Variants in TRIQK observed in about 807,000 individuals in gnomAD.
The protein encoded by TRIQK is triple QxxK/R motif-containing protein.
A neutral mutation model predicts 10.8 loss-of-function variants in TRIQK; 10 were observed. That is an observed-to-expected ratio of 0.92 (90% CI 0.57 to 1.57). The LOEUF is 1.57. TRIQK is among the 40% of genes most tolerant of loss of function. The pLI is 0.00. For missense variants in TRIQK, 107 were observed against 97.7 expected, an observed-to-expected ratio of 1.09 and a Z score of -0.40; for synonymous variants, 33 against 33.7, an observed-to-expected ratio of 0.98 and a Z score of 0.07.
Position 92,898,833 on chromosome 8 carries a change from GTATATATATATATA to G in TRIQK, c.62-6773_62-6760del, listed in dbSNP as rs67063066. Reference sequence around the variant, plus strand: ...GCAGGTACATAATAGGTGTGTGTGTGTATATATATATATATATATATATATATATATATATATAT... The same window carrying G: ...GCAGGTACATAATAGGTGTGTGTGTGTATATATATATATATATATATATAT... On this transcript the variant is annotated intron_variant, in intron 3 of 4. Coordinates refer to ENST00000521988, the MANE Select transcript of TRIQK (RefSeq NM_001171797.2). Among the ~76,000 whole-genome samples, 37 of 73,920 alleles carry G rather than the reference GTATATATATATATA, an allele frequency of 5.0e-4. 1 individual carries two copies. Among genetic ancestry groups the G allele is most frequent in the South Asian group, 2.3e-3 (4 of 1,758 alleles). 48.5% of individuals were successfully genotyped at this position (73,920 alleles called of 152,430 possible). A position where few individuals can be genotyped will look rare whatever the true frequency, so the allele number is the denominator to read the frequency against.
intron 2 of TRIQK, chr8:92,953,837 G>A (rs1487648544): frequency 6.6e-6 from 1 of 151,874 alleles, no homozygotes; most frequent in African/African-American, 2.4e-5. Context: ...TGAGGAGTGG[G>A]AAAGAACAGT....
At chr8:92,920,109 T>G (rs755375580) in intron 2 of TRIQK, among the ~76,000 whole-genome samples, 2 of 151,806 alleles carry the variant, frequency 1.3e-5, no homozygotes, top group Non-Finnish European at 3.0e-5. Context: ...TGTATTTTTT[T>G]GTCACAATTA....
intron 1 of TRIQK, among the ~76,000 whole-genome samples, chr8:92,994,387 T>TC (rs1171329773): frequency 1.4e-5 from 2 of 146,002 alleles, no homozygotes; most frequent in African/African-American, 5.4e-5. Context: ...CTCCTTTTTT[T>TC]CAACATTTTA....
At position 92,978,997 on chromosome 8, in the gene TRIQK, CA is replaced by C. The variant is rs1812959415; in HGVS notation, c.-180-24434del. On this transcript the variant is annotated intron_variant, in intron 1 of 4. Transcript: ENST00000520686. ...ACCATGAATCAGTGGTATAAAACAA[CA>C]ATGATTTTCTCATGTCAAAAATCTG... is the stretch of plus-strand genomic sequence containing the variant. Among the ~76,000 whole-genome samples the C allele has an allele frequency of 2.0e-5, 3 of 152,040 alleles. No homozygotes were observed. In the South Asian group the frequency reaches 6.2e-4, roughly 32 times the overall value.
chr8:93,014,156 A>C (rs1053982909), intron 1 of TRIQK, among the ~76,000 whole-genome samples: 1 of 152,166 alleles, frequency 6.6e-6, no homozygotes, highest in Admixed American at 6.5e-5. Context: ...TGTTGTGACA[A>C]ATAGGAAATA....
chr8:92,989,728 A>T, intron 1 of TRIQK, among the ~76,000 whole-genome samples: 1 of 152,186 alleles, frequency 6.6e-6, no homozygotes, highest in East Asian at 1.9e-4. Flanking sequence ...AATGCGTTTG[A>T]ATCATCCTGA....
intron 1 of TRIQK, among the ~76,000 whole-genome samples, chr8:92,991,079 A>G (rs932752412): frequency 3.9e-5 from 6 of 152,122 alleles, no homozygotes; most frequent in Non-Finnish European, 1.5e-5. Flanking sequence ...AGGGAGGTCC[A>G]CTATTACTAA....
chr8:92,886,750 A>G lies in TRIQK; in HGVS notation c.148-15T>C, dbSNP rs757380711. 7.9e-6 allele frequency: 11 copies of G among 1,400,398 alleles called. No individual in the cohort carries two copies. The South Asian group carries it at 1.4e-4, about 18-fold the overall frequency. 86.7% of individuals were successfully genotyped at this position (1,400,398 alleles called of 1,614,324 possible). A position where few individuals can be genotyped will look rare whatever the true frequency, so the allele number is the denominator to read the frequency against. ...AGGCCAACTTCCTGGGAAGAAAAAA[A>G]AAGTAGACTTGAAATTGATGAAAAA... On this transcript the variant is annotated splice_polypyrimidine_tract_variant and intron_variant, in intron 4 of 4. Coordinates refer to ENST00000521988, the MANE Select transcript of TRIQK (RefSeq NM_001171797.2).
chr8:92,922,450 C>T (rs1414223789), intron 2 of TRIQK: 1 of 151,654 alleles, frequency 6.6e-6, no homozygotes, highest in African/African-American at 2.4e-5. Flanking sequence ...TTTGCCTTTA[C>T]AGACTATGCT....
intron 2 of TRIQK, among the ~76,000 whole-genome samples, chr8:92,925,298 A>G (rs1215368266): frequency 1.3e-5 from 2 of 152,260 alleles, no homozygotes; most frequent in East Asian, 3.9e-4. Context: ...CAACAAAGTT[A>G]CTAGGGAAAA....
intron 2 of TRIQK, among the ~76,000 whole-genome samples, chr8:92,918,270 C>T (rs1422054556): frequency 6.6e-6 from 1 of 151,858 alleles, no homozygotes. Context: ...TATGGTAGTT[C>T]TATTTTTAGT....
chr8:92,947,591 A>G, intron 2 of TRIQK, among the ~76,000 whole-genome samples: 1 of 149,680 alleles, frequency 6.7e-6, no homozygotes, highest in Non-Finnish European at 1.5e-5. Context: ...CCTCAGGAAA[A>G]AAAAAAAAAA....
At chr8:92,913,950 C>T (rs1809699780) in intron 3 of TRIQK, among the ~76,000 whole-genome samples, 1 of 152,058 alleles carries the variant, frequency 6.6e-6, no homozygotes, top group Non-Finnish European at 1.5e-5. Flanking sequence ...AAGGGAACAT[C>T]ACACAACAGG....
In TRIQK at chr8:92,908,108, T is replaced by C. The variant is rs564997750; in HGVS notation, c.61+8821A>G. 5.9e-5 allele frequency among the ~76,000 whole-genome samples: 9 copies of C among 152,294 alleles called. No individual in the cohort carries two copies. In the South Asian group the frequency reaches 1.9e-3, roughly 32 times the overall value. The stretch of plus-strand genomic sequence containing the variant: ...ACAAAATAGATTACTTTACTGCTTT[T>C]GGCTTTTTGTTGTTCAATTCCTTAC... On this transcript the variant is annotated intron_variant, in intron 3 of 4. Transcript: ENST00000521988.
intron 2 of TRIQK, among the ~76,000 whole-genome samples, chr8:92,917,224 A>T (rs1809911466): frequency 6.6e-6 from 1 of 152,030 alleles, no homozygotes; most frequent in African/African-American, 2.4e-5. Flanking sequence ...TTTGTTTTTG[A>T]TAACATTCAT....
intron 3 of TRIQK, among the ~76,000 whole-genome samples, chr8:92,895,236 CT>C (rs1808532191): frequency 6.6e-6 from 1 of 152,230 alleles, no homozygotes; most frequent in Non-Finnish European, 1.5e-5. Flanking sequence ...CCAGCTTAGA[CT>C]TCCCAGTCTC....
intron 3 of TRIQK, among the ~76,000 whole-genome samples, chr8:92,907,309 GA>G (rs1809326948): frequency 1.3e-5 from 2 of 152,086 alleles, no homozygotes; most frequent in Non-Finnish European, 2.9e-5. Flanking sequence ...TGCCCTAAAA[GA>G]TTACCTTTGT....
chr8:92,911,778 AATATACAT>A (rs1462500380), intron 3 of TRIQK, among the ~76,000 whole-genome samples: 3 of 150,344 alleles, frequency 2.0e-5, no homozygotes, highest in East Asian at 2.0e-4. Context: ...TACATAAATA[AATATACAT>A]ATATACATAT....
At chr8:92,922,843 AT>A (rs1325854671) in intron 2 of TRIQK, among the ~76,000 whole-genome samples, 1 of 151,772 alleles carries the variant, frequency 6.6e-6, no homozygotes, top group Non-Finnish European at 1.5e-5. Flanking sequence ...CTGGTTTAAA[AT>A]TTTTGTTCTA....
Sources: gnomAD v4.1 joint callset for allele counts (sites outside exome capture counted in the v4.1 genomes callset) on GRCh38, gnomAD v4.1.1 for gene constraint, MANE v1.5 for transcripts, NCBI Gene and HGNC (gene_info 2026-07-23, HGNC 2026-07-21) for gene names.